Variants in SPTBN2 observed in about 807,000 individuals in gnomAD.
The protein encoded by SPTBN2 is spectrin beta chain, non-erythrocytic 2.
A neutral mutation model predicts 284.2 loss-of-function variants in SPTBN2; 107 were observed. The observed-to-expected ratio is 0.38, with a 90% CI of 0.32 to 0.44. SPTBN2 has a LOEUF of 0.44. Among genes scored for constraint, SPTBN2 ranks in the 20% least tolerant of loss-of-function variants. SPTBN2 has a pLI of 1.00. For missense variants in SPTBN2, 2,569 were observed against 3,287.1 expected (o/e 0.78, Z 5.34); for synonymous variants, 1,289 against 1,354.8 (o/e 0.95, Z 1.07).
In SPTBN2 at chr11:66,692,574, C is replaced by A; in HGVS notation, c.5152G>T (p.Ala1718Ser). 1 of 1,605,922 alleles carries A rather than the reference C, an allele frequency of 6.2e-7. No individual in the cohort carries two copies. Among genetic ancestry groups the A allele is most frequent in the Non-Finnish European group, 8.5e-7 (1 of 1,179,944 alleles). The change falls in exon 26 of 38, where the codon GCC becomes TCC. Residue 1718 changes from alanine to serine, a missense_variant. Ala to Ser is a moderately conservative substitution (Grantham distance 99). Around this residue, in one of 6 missense-constraint regions of SPTBN2, gnomAD observed 1,130 missense variants for 1,317.3 expected, o/e 0.86. Transcript: ENST00000533211. ...QWIQEREVVA[A>S]SHELGQDYEH... Reference sequence around the variant, plus strand: ...TAGTCCTGGCCCAGCTCGTGGGAGGCCGCCACCACCTCGCGCTCCTGGATC... The same window carrying A: ...TAGTCCTGGCCCAGCTCGTGGGAGGACGCCACCACCTCGCGCTCCTGGATC...
intron 29 of SPTBN2, 24 bp from the exon 30 acceptor site, chr11:66,689,204 GAGTT>G: frequency 6.3e-7 from 1 of 1,591,862 alleles, no homozygotes; most frequent in South Asian, 1.1e-5. Flanking sequence ...GCAGAGATAT[GAGTT>G]AGCACCAGGA....
At chr11:66,740,703 C>G (rs1465204760) in intron 1 of SPTBN2, among the ~76,000 whole-genome samples, 1 of 152,172 alleles carries the variant, frequency 6.6e-6, no homozygotes, top group East Asian at 1.9e-4. Flanking sequence ...TAACCCTTTC[C>G]TACTGTCTGG....
In SPTBN2 at chr11:66,716,110, G is replaced by C. The variant is rs557055776; in HGVS notation, c.158-129C>G. The C allele has an allele frequency of 8.8e-6, 11 of 1,246,374 alleles. No homozygotes were observed. The South Asian group carries it at 1.3e-4, about 14-fold the overall frequency. 77.2% of individuals were successfully genotyped at this position (1,246,374 alleles called of 1,614,324 possible). ...AGCGGGGTCCTCTAAGGAGGAGGAA[G>C]GGAAGGAAGATGACCGGGAGGAAAG... is the stretch of plus-strand genomic sequence containing the variant. On this transcript the variant is annotated intron_variant, in intron 3 of 37. Transcript: ENST00000533211.
At chr11:66,739,451 T>C (rs1175611853) in intron 1 of SPTBN2, among the ~76,000 whole-genome samples, 1 of 152,250 alleles carries the variant, frequency 6.6e-6, no homozygotes, top group African/African-American at 2.4e-5. Flanking sequence ...CTCCCAGGAA[T>C]ATAGTTAAAA....
chr11:66,686,767 C>A, intron 36 of SPTBN2: 1 of 665,444 alleles, frequency 1.5e-6, no homozygotes, highest in East Asian at 2.7e-5. Flanking sequence ...AATTTTTCAC[C>A]TTGACATTGG....
chr11:66,704,754 G>A lies in SPTBN2; in HGVS notation c.2522C>T (p.Ala841Val), dbSNP rs765680997. ...CTCCAAGGCCCGCGCTCGCTCGCCTGCCCGGGCCTGCAGCTCCTCGTAGTG... is the reference window on the plus strand; with the variant it reads ...CTCCAAGGCCCGCGCTCGCTCGCCTACCCGGGCCTGCAGCTCCTCGTAGTG... The part of the protein sequence containing the change: ...ERHYEELQAR[A>V]GERARALEAA... The change falls in exon 15 of 38, where the codon GCA (alanine) becomes GTA (valine). Residue 841 changes from alanine (A) to valine (V), a missense_variant. Ala to Val is a moderately conservative substitution (Grantham distance 64). Transcript: ENST00000533211. The A allele has an allele frequency of 6.2e-7, 1 of 1,603,644 alleles. No homozygotes were observed.
At position 66,688,664 on chromosome 11, in the gene SPTBN2, T is replaced by G. The variant is rs541138596; in HGVS notation, c.6220A>C (p.Lys2074Gln). 5 of 1,613,898 alleles carry G rather than the reference T, an allele frequency of 3.1e-6. No individual in the cohort carries two copies. Among genetic ancestry groups the G allele is most frequent in the Non-Finnish European group, 4.2e-6 (5 of 1,179,978 alleles). ...AWEERFCALE[K>Q]LTALEEREKE... ...CCTGTGTCCCTCACCGCAGTAAGCT[T>G]CTCCAGCGCACAGAATCGCTCCTCC... is the stretch of plus-strand genomic sequence containing the variant. Residue 2074 changes from lysine to glutamine, a missense_variant, in exon 31 of 38, where the codon AAG (lysine) becomes CAG (glutamine). By Grantham distance (53) the Lys-to-Gln change is moderately conservative. Transcript: ENST00000533211.
Position 66,688,277 on chromosome 11 carries a change from C to G in SPTBN2, c.6266G>C (p.Arg2089Thr). The G allele has an allele frequency of 6.2e-7, 1 of 1,609,812 alleles. No individual in the cohort carries two copies. The highest frequency in any genetic ancestry group is 8.5e-7 in the Non-Finnish European group (1 of 1,178,204). ...CTGTTTCCGCCGCTCCTCCTCCTCC[C>G]TCTTTCTCTTTCGCTCCTTCTCCCG... ...EEREKERKRKREEEERRKQPP... is the reference protein window; with the variant it reads ...EEREKERKRKTEEEERRKQPP... Residue 2089 changes from arginine to threonine, a missense_variant, in exon 32 of 38, where the codon AGG (arginine) becomes ACG (threonine). Transcript: ENST00000533211.
At chr11:66,698,305 T>G (rs1187283660) in intron 20 of SPTBN2, among the ~76,000 whole-genome samples, 1 of 152,236 alleles carries the variant, frequency 6.6e-6, no homozygotes, top group Non-Finnish European at 1.5e-5. Context: ...GCCTCAGATA[T>G]TGACCATCCA....
intron 31 of SPTBN2, 127 bp from the exon 32 acceptor site, chr11:66,688,438 G>C (rs903363724): frequency 1.3e-5 from 20 of 1,529,348 alleles, no homozygotes; most frequent in Non-Finnish European, 1.6e-5. Flanking sequence ...AATTTGAGAA[G>C]ATGGTGGGGA....
At chr11:66,690,321 A>C in intron 27 of SPTBN2, 38 bp from the exon 28 acceptor site, 1 of 1,550,280 alleles carries the variant, frequency 6.5e-7, no homozygotes. Context: ...AGAGCGGGGG[A>C]CTCCAAGGAG....
rs542468879 is a variant in SPTBN2 at position 66,712,504 on chromosome 11, G to A, written c.772+1127C>T. 8.0e-5 allele frequency among the ~76,000 whole-genome samples: 12 copies of A among 150,598 alleles called. No homozygotes were observed. In the South Asian group the frequency reaches 2.1e-3, roughly 26 times the overall value. On this transcript the variant is annotated intron_variant, in intron 8 of 37. Transcript: ENST00000533211. ...GGAGGTTGCAGTGAGCCGAGATCGC[G>A]CCATTGCACTCCAGTCTGGGCAACA...
rs1468606027 is a variant in SPTBN2, at chr11:66,704,597, C to T, written c.2678+1G>A. On this transcript the variant is annotated splice_donor_variant, in intron 15 of 37. Transcript: ENST00000533211. LOFTEE classifies it high-confidence loss of function. ...TCCCACTAGGAGCCTGAGGGGCCTA[C>T]CTCTGCTGCACGACCTCCAGGTCCT... 1.2e-6 allele frequency: 2 copies of T among 1,608,758 alleles called. No individual in the cohort carries two copies.
rs943084940 is a variant in SPTBN2 at position 66,691,706 on chromosome 11, G to A, written c.5191-48C>T. Reference sequence around the variant, plus strand: ...AGACCATGCCGTGATGTTAGGGGATGTGGTCCCTGCCTGATGGAGCGAGTC... The same window carrying A: ...AGACCATGCCGTGATGTTAGGGGATATGGTCCCTGCCTGATGGAGCGAGTC... On this transcript the variant is annotated intron_variant, in intron 26 of 37. Coordinates refer to ENST00000533211, the MANE Select transcript of SPTBN2 (RefSeq NM_006946.4). The surrounding 1 kb of genome is among the most constrained non-coding windows in gnomAD (Gnocchi z 8.0). The A allele has an allele frequency of 6.8e-6, 11 of 1,611,058 alleles. No individual in the cohort carries two copies. Among genetic ancestry groups the A allele is most frequent in the South Asian group, 1.1e-5 (1 of 91,050 alleles).
At chr11:66,726,043 G>A (rs1290564411) in intron 1 of SPTBN2, among the ~76,000 whole-genome samples, 2 of 152,054 alleles carry the variant, frequency 1.3e-5, no homozygotes, top group African/African-American at 2.4e-5. Context: ...CTCTCTGCCC[G>A]CTCCACATTT....
chr11:66,744,116 C>T (rs1164856429), intron 1 of SPTBN2, among the ~76,000 whole-genome samples: 1 of 152,166 alleles, frequency 6.6e-6, no homozygotes, highest in African/African-American at 2.4e-5. Context: ...TCGCTTCGGC[C>T]TCCAAAAGTG....
chr11:66,718,140 A>G lies in SPTBN2; in HGVS notation c.158-2159T>C, dbSNP rs1249763777. ...CGCCTCCCCAGGTGCTGGCACCCCCACGCCCTCCATGGCTAGTTGCCTTTG... is the reference window on the plus strand; with the variant it reads ...CGCCTCCCCAGGTGCTGGCACCCCCGCGCCCTCCATGGCTAGTTGCCTTTG... On this transcript the variant is annotated intron_variant, in intron 3 of 37. Transcript: ENST00000533211. The surrounding 1 kb of genome is among the most constrained non-coding windows in gnomAD (Gnocchi z 4.8). 4.0e-5 allele frequency among the ~76,000 whole-genome samples: 6 copies of G among 151,842 alleles called. No homozygotes were observed. The highest frequency in any genetic ancestry group is 8.8e-5 in the Non-Finnish European group (6 of 67,952).
At chr11:66,738,523 A>G (rs1942871486) in intron 1 of SPTBN2, among the ~76,000 whole-genome samples, 2 of 152,092 alleles carry the variant, frequency 1.3e-5, no homozygotes, top group African/African-American at 4.8e-5. Flanking sequence ...TTTTTAAATT[A>G]TTATTATTTT....
chr11:66,696,022 C>T (rs1940888379), intron 21 of SPTBN2, among the ~76,000 whole-genome samples: 1 of 152,218 alleles, frequency 6.6e-6, no homozygotes, highest in Non-Finnish European at 1.5e-5. Context: ...CAGGCATGAG[C>T]CACTGTGCCT....
Sources: allele counts gnomAD v4.1 joint callset (sites outside exome capture counted in the v4.1 genomes callset), GRCh38; gene constraint gnomAD v4.1.1; regional missense constraint gnomAD v4.1.1; non-coding constraint Gnocchi (gnomAD v3.1); transcripts MANE v1.5; gene names NCBI Gene and HGNC (gene_info 2026-07-23, HGNC 2026-07-21).